Variants in KDM2B observed in about 807,000 individuals in gnomAD.
KDM2B encodes the protein lysine-specific demethylase 2B.
KDM2B carries 26 observed loss-of-function variants against 150.0 expected under a neutral mutation model. The observed-to-expected ratio is 0.17, with a 90% confidence interval of 0.13 to 0.24. The LOEUF (loss-of-function observed/expected upper bound fraction) is 0.24, where lower values mean the gene tolerates loss of function less well. KDM2B is among the 10% of genes least tolerant of loss of function. KDM2B has a pLI of 1.00. For missense variants in KDM2B, 1,265 were observed against 1,816.9 expected (o/e 0.70, Z 5.52); for synonymous variants, 734 against 729.5 (o/e 1.01, Z -0.10).
the KDM2B span, among the ~76,000 whole-genome samples, chr12:121,421,848 C>T: frequency 2.9e-4 from 44 of 152,294 alleles, no homozygotes; most frequent in Middle Eastern, 3.4e-3. Flanking sequence ...ACAGCCCTCC[C>T]ATCATTAACT....
chr12:121,466,571 C>CCCTTCCT (rs1555294820), intron 12 of KDM2B, among the ~76,000 whole-genome samples: 3 of 151,694 alleles, frequency 2.0e-5, no homozygotes, highest in African/African-American at 7.2e-5. Flanking sequence ...TGGCCCGCGC[C>CCCTTCCT]GGCCCGCGGC....
At chr12:121,461,491 G>A (rs1397660115) in intron 12 of KDM2B, among the ~76,000 whole-genome samples, 9 of 152,152 alleles carry the variant, frequency 5.9e-5, no homozygotes, top group Non-Finnish European at 4.4e-5. Context: ...CAGAAGGAAT[G>A]GAAGGAATGA....
At position 121,573,583 on chromosome 12, in the gene KDM2B, A is replaced by C. The variant is rs1594160667; in HGVS notation, c.397+964T>G. Among the ~76,000 whole-genome samples the C allele has an allele frequency of 4.7e-5, 6 of 127,122 alleles. No homozygotes were observed. In the South Asian group the frequency reaches 7.5e-4, roughly 16 times the overall value. The allele number at this position is 127,122 out of a possible 152,430, so 83.4% of individuals were successfully genotyped here. Reference sequence around the variant, plus strand: ...AGCCACCACCCTCGGCCTACTGTTTACTTCTTTTTTTTTTTTTTTGAGACG... The same window carrying C: ...AGCCACCACCCTCGGCCTACTGTTTCCTTCTTTTTTTTTTTTTTTGAGACG... On this transcript the variant is annotated intron_variant, in intron 4 of 22. Transcript: ENST00000377071.
At chr12:121,564,839 AT>A (rs1358624111) in intron 4 of KDM2B, among the ~76,000 whole-genome samples, 1 of 150,298 alleles carries the variant, frequency 6.7e-6, no homozygotes, top group African/African-American at 2.5e-5. Context: ...TCTTTTTCTT[AT>A]TTTTTTGAGA....
intron 12 of KDM2B, among the ~76,000 whole-genome samples, chr12:121,461,694 G>C (rs112663192): frequency 0.013 from 1,923 of 152,266 alleles, 47 homozygotes; most frequent in African/African-American, 0.044. Context: ...AATCCAAGGG[G>C]CCCATGGGAC....
chr12:121,468,410 C>T lies in KDM2B; in HGVS notation c.1735-15066G>A, dbSNP rs1880362617. 6.6e-6 allele frequency: 1 copy of T among 152,188 alleles called. No homozygotes were observed. The highest frequency in any genetic ancestry group is 1.5e-5 in the Non-Finnish European group (1 of 68,040). The allele number at this position is 152,188 out of a possible 1,614,324, so 9.4% of individuals were successfully genotyped here. A position where few individuals can be genotyped will look rare whatever the true frequency, so the allele number is the denominator to read the frequency against. On this transcript the variant is annotated intron_variant, in intron 12 of 22. Coordinates refer to ENST00000377071, the MANE Select transcript of KDM2B (RefSeq NM_032590.5). The surrounding 1 kb of genome is among the most constrained non-coding windows in gnomAD (Gnocchi z 4.0). Reference sequence around the variant, plus strand: ...GAACGACCAAAGCTGTTATAAGCATCAAAACCAAAGCTAAACACAAGCTAA... The same window carrying T: ...GAACGACCAAAGCTGTTATAAGCATTAAAACCAAAGCTAAACACAAGCTAA...
chr12:121,531,777 C>T (rs551951024), intron 8 of KDM2B, among the ~76,000 whole-genome samples: 1 of 152,132 alleles, frequency 6.6e-6, no homozygotes, highest in Non-Finnish European at 1.5e-5. Context: ...CTCCAAAGTA[C>T]AATGACCAAG....
rs782287592 is a variant in KDM2B, at chr12:121,430,436, A to G, written c.3863T>C (p.Phe1288Ser). ...ACAGATGTTTCCACAGCGTTTGAAG[A>G]AGGACAGGCACTGATCAGTGACCTT... ...CNKVTDQCLS[F>S]FKRCGNICHI... The change falls in exon 23 of 23, where the codon TTC (phenylalanine) becomes TCC (serine). Residue 1288 changes from phenylalanine to serine, a missense_variant. Around this residue, in one of 11 missense-constraint regions of KDM2B, gnomAD observed 251 missense variants for 397.8 expected, o/e 0.63. Coordinates refer to ENST00000377071, the MANE Select transcript of KDM2B (RefSeq NM_032590.5). This position sits in a 1 kb window ranked among gnomAD's most constrained non-coding sequence, Gnocchi z 4.4. 4 of 1,613,946 alleles carry G rather than the reference A, an allele frequency of 2.5e-6. No individual in the cohort carries two copies. The highest frequency in any genetic ancestry group is 1.7e-5 in the Admixed American group (1 of 59,984).
intron 1 of KDM2B, chr12:121,580,290 G>A: frequency 8.5e-7 from 1 of 1,174,412 alleles, no homozygotes. Context: ...TCCCCGGAAC[G>A]TAAACATTGT....
chr12:121,424,265 A>G (rs781837530), downstream of KDM2B: 1 of 152,694 alleles, frequency 6.5e-6, no homozygotes, highest in Non-Finnish European at 1.5e-5. Flanking sequence ...TAATCAGTTT[A>G]CATTGTTTTG....
chr12:121,431,295 CTTTTTTTTT>C (rs71453557), intron 22 of KDM2B, among the ~76,000 whole-genome samples: 14 of 98,956 alleles, frequency 1.4e-4, no homozygotes, highest in East Asian at 3.1e-4. Context: ...CCATGTGCAA[CTTTTTTTTT>C]TTTTTTTTTT....
At position 121,441,250 on chromosome 12, in the gene KDM2B, T is replaced by G; in HGVS notation, c.3285-17A>C. ...TCGCAGCACCTGGGGACCGGCCCCG[T>G]GGGGACACATCGTCAGAGGTGGGGC... is the stretch of plus-strand genomic sequence containing the variant. On this transcript the variant is annotated splice_polypyrimidine_tract_variant and intron_variant, in intron 19 of 22. Transcript: ENST00000377071. The G allele has an allele frequency of 6.2e-7, 1 of 1,611,478 alleles. No individual in the cohort carries two copies. The highest frequency in any genetic ancestry group is 8.5e-7 in the Non-Finnish European group (1 of 1,178,402).
chr12:121,578,973 G>A, intron 1 of KDM2B, 27 bp from the exon 2 acceptor site: 3 of 1,603,924 alleles, frequency 1.9e-6, no homozygotes, highest in Non-Finnish European at 2.6e-6. Context: ...CAGAGAGCCC[G>A]GGACATTATT....
chr12:121,426,452 C>CTT (rs138972284), downstream of KDM2B, among the ~76,000 whole-genome samples: 35 of 125,794 alleles, frequency 2.8e-4, 1 homozygote, highest in African/African-American at 6.5e-4. Context: ...CCTCCCCCCC[C>CTT]TTTTTTTTTT....
At chr12:121,530,242 A>AT (rs1326401721) in intron 8 of KDM2B, among the ~76,000 whole-genome samples, 2 of 151,868 alleles carry the variant, frequency 1.3e-5, no homozygotes, top group Non-Finnish European at 2.9e-5. Flanking sequence ...AAAAAAAAAA[A>AT]AAAAAAATAC....
intron 6 of KDM2B, among the ~76,000 whole-genome samples, chr12:121,545,972 C>G (rs1555310619): frequency 1.3e-5 from 2 of 152,186 alleles, no homozygotes; most frequent in African/African-American, 4.8e-5. Context: ...CCCTGCTCAG[C>G]CTTCAGACTC....
At chr12:121,473,720 C>CAAAAAAA (rs34681676) in intron 12 of KDM2B, among the ~76,000 whole-genome samples, 2 of 122,526 alleles carry the variant, frequency 1.6e-5, no homozygotes, top group Non-Finnish European at 1.6e-5. Context: ...ACTCCCAACT[C>CAAAAAAA]AAAAAAAAAA....
chr12:121,441,575 T>G (rs1875057657), intron 19 of KDM2B, among the ~76,000 whole-genome samples: 1 of 152,126 alleles, frequency 6.6e-6, no homozygotes, highest in African/African-American at 2.4e-5. Context: ...TAGCTGGGAT[T>G]ACAGGTGTGC....
intron 4 of KDM2B, among the ~76,000 whole-genome samples, chr12:121,550,303 T>C (rs1462940347): frequency 2.0e-5 from 3 of 148,132 alleles, no homozygotes; most frequent in Admixed American, 6.7e-5. Flanking sequence ...GAGCAAGACT[T>C]TGTCTCAAAA....
Sources: gnomAD v4.1 joint callset for allele counts (sites outside exome capture counted in the v4.1 genomes callset) on GRCh38, gnomAD v4.1.1 for gene constraint, gnomAD v4.1.1 regional missense constraint, Gnocchi (gnomAD v3.1) non-coding constraint, MANE v1.5 for transcripts, NCBI Gene and HGNC (gene_info 2026-07-23, HGNC 2026-07-21) for gene names.